DCUN1D2: variants seen among roughly 807,000 people sequenced by gnomAD.
DCUN1D2 encodes the protein DCN1-like protein 2.
DCUN1D2 carries 29 observed loss-of-function variants against 30.9 expected under a neutral mutation model. The observed-to-expected ratio is 0.94, with a 90% CI of 0.70 to 1.28. The LOEUF (loss-of-function observed/expected upper bound fraction) is 1.28, where lower values mean the gene tolerates loss of function less well. DCUN1D2 is among the 50% of genes most tolerant of loss of function. DCUN1D2 has a pLI of 0.00. For missense variants in DCUN1D2, 325 were observed against 316.9 expected, an observed-to-expected ratio of 1.03 and a Z score of -0.19; for synonymous variants, 121 against 115.3, an observed-to-expected ratio of 1.05 and a Z score of -0.32.
chr13:113,472,575 G>A (rs1006466089), intron 4 of DCUN1D2, among the ~76,000 whole-genome samples: 4 of 152,164 alleles, frequency 2.6e-5, no homozygotes, highest in African/African-American at 4.8e-5. Context: ...AGCAGGGAAC[G>A]CACTCGCCCC....
intron 3 of DCUN1D2, among the ~76,000 whole-genome samples, chr13:113,475,620 C>G (rs935874501): frequency 1.3e-5 from 2 of 152,188 alleles, no homozygotes; most frequent in Non-Finnish European, 2.9e-5. Flanking sequence ...GGTATGGTGG[C>G]TCATTCCTGT....
At chr13:113,484,205 G>T in intron 1 of DCUN1D2, 149 bp from the exon 2 acceptor site, 1 of 1,446,110 alleles carries the variant, frequency 6.9e-7, no homozygotes, top group East Asian at 2.5e-5. Context: ...TTCTGAAAAT[G>T]GAAACAACAG....
At position 113,457,374 on chromosome 13, in the gene DCUN1D2, A is replaced by T. The variant is rs2044242703; in HGVS notation, c.*655T>A. The stretch of plus-strand genomic sequence containing the variant: ...AGATAAACTCTGCTGGAATCGTGCC[A>T]CGTGTGCCGTTGCTATGCAAAGCTA... On this transcript the variant is annotated 3_prime_UTR_variant, in exon 7 of 7. Coordinates refer to ENST00000478244, the MANE Select transcript of DCUN1D2 (RefSeq NM_001014283.2). The T allele has an allele frequency of 6.6e-6, 1 of 152,238 alleles. No individual in the cohort carries two copies. Among genetic ancestry groups the T allele is most frequent in the African/African-American group, 2.4e-5 (1 of 41,464 alleles). The allele number at this position is 152,238 out of a possible 1,614,324, so 9.4% of individuals were successfully genotyped here.
intron 4 of DCUN1D2, among the ~76,000 whole-genome samples, chr13:113,471,990 C>T (rs768755943): frequency 3.9e-5 from 6 of 152,280 alleles, no homozygotes; most frequent in Non-Finnish European, 8.8e-5. Context: ...AAAGGTAAGG[C>T]CCAACTATTG....
chr13:113,489,886 A>G (rs1442043310), intron 1 of DCUN1D2, among the ~76,000 whole-genome samples: 1 of 151,822 alleles, frequency 6.6e-6, no homozygotes, highest in African/African-American at 2.4e-5. Flanking sequence ...CTTTGTCCCA[A>G]CTGTGGTCAA....
At chr13:113,476,182 T>C (rs2044614704) in intron 3 of DCUN1D2, 1 of 152,258 alleles carries the variant, frequency 6.6e-6, no homozygotes, top group Non-Finnish European at 1.5e-5. Flanking sequence ...GTGTCAACAC[T>C]TCTGCACACA....
intron 3 of DCUN1D2, chr13:113,478,959 A>G (rs1198266661): frequency 2.0e-5 from 3 of 152,114 alleles, no homozygotes; most frequent in Non-Finnish European, 4.4e-5. Flanking sequence ...CAAATTATGC[A>G]GTCCAGTTTC....
intron 4 of DCUN1D2, among the ~76,000 whole-genome samples, chr13:113,472,559 G>A (rs993035188): frequency 1.3e-5 from 2 of 152,148 alleles, no homozygotes; most frequent in African/African-American, 2.4e-5. Context: ...ACCCTCGGTC[G>A]AAGGAAGCAG....
rs1231619624 is a variant in DCUN1D2, at chr13:113,480,614, A to C, written c.350T>G (p.Phe117Cys). ...WKFRAATQCE[F>C]SRKEFLDGMT... ...GCCATCTAGAAATTCCTTTCTGCTA[A>C]ATTCACACTGAGTTGCTGCCCTGAA... Residue 117 changes from phenylalanine (F) to cysteine (C), a missense_variant, in exon 3 of 7, where the codon TTT becomes TGT. By Grantham distance (205) the Phe-to-Cys change is radical (BLOSUM62 -2). Coordinates refer to ENST00000478244, the MANE Select transcript of DCUN1D2 (RefSeq NM_001014283.2). The C allele has an allele frequency of 8.7e-6, 14 of 1,614,032 alleles. No homozygotes were observed. The highest frequency in any genetic ancestry group is 1.2e-5 in the Non-Finnish European group (14 of 1,180,026).
chr13:113,478,664 A>G (rs917510070), intron 3 of DCUN1D2, among the ~76,000 whole-genome samples: 3 of 152,122 alleles, frequency 2.0e-5, no homozygotes, highest in African/African-American at 7.2e-5. Flanking sequence ...ATTATTCAAG[A>G]TATTTTCTAA....
intron 4 of DCUN1D2, among the ~76,000 whole-genome samples, chr13:113,473,221 C>T (rs923165100): frequency 6.6e-6 from 1 of 151,856 alleles, no homozygotes; most frequent in Non-Finnish European, 1.5e-5. Flanking sequence ...CATTCCTTGT[C>T]CTTCTGCCCC....
intron 4 of DCUN1D2, among the ~76,000 whole-genome samples, chr13:113,472,963 C>T (rs2044548997): frequency 6.6e-6 from 1 of 151,158 alleles, no homozygotes; most frequent in African/African-American, 2.4e-5. Flanking sequence ...GCCTCTGCTC[C>T]CGTACCTCTG....
chr13:113,474,504 G>A (rs2044579755), intron 3 of DCUN1D2, among the ~76,000 whole-genome samples: 1 of 152,106 alleles, frequency 6.6e-6, no homozygotes, highest in Non-Finnish European at 1.5e-5. Flanking sequence ...CCCAGCTCTG[G>A]GAATATACTA....
intron 4 of DCUN1D2, among the ~76,000 whole-genome samples, chr13:113,468,043 T>TAAAAAAAAA (rs59075073): frequency 2.1e-5 from 2 of 97,202 alleles, no homozygotes; most frequent in Non-Finnish European, 4.1e-5. Context: ...GGATCCATCT[T>TAAAAAAAAA]AAAAAAAAAA....
At chr13:113,481,757 G>A (rs914260782) in intron 2 of DCUN1D2, among the ~76,000 whole-genome samples, 2 of 151,520 alleles carry the variant, frequency 1.3e-5, no homozygotes, top group African/African-American at 4.9e-5. Context: ...GGTGGCTCAC[G>A]CCTATAGTCC....
At chr13:113,467,002 GTTTCACCA>G (rs913676712) in intron 4 of DCUN1D2, among the ~76,000 whole-genome samples, 5 of 151,972 alleles carry the variant, frequency 3.3e-5, no homozygotes, top group Non-Finnish European at 5.9e-5. Flanking sequence ...TAGAGATGGG[GTTTCACCA>G]TGTTGGCCAG....
At chr13:113,464,007 G>A (rs2044361783) in intron 4 of DCUN1D2, among the ~76,000 whole-genome samples, 1 of 152,078 alleles carries the variant, frequency 6.6e-6, no homozygotes, top group Admixed American at 6.6e-5. Flanking sequence ...CTCTACTTCT[G>A]GGCTATAGTC....
rs191602636 is a variant in DCUN1D2 at position 113,489,215 on chromosome 13, T to C, written c.3+1452A>G. 1,278 of 917,728 alleles carry C rather than the reference T, an allele frequency of 1.4e-3. 3 individuals are homozygous for C. Among genetic ancestry groups the C allele is most frequent in the African/African-American group, 9.6e-3 (537 of 55,898 alleles). The allele number at this position is 917,728 out of a possible 1,614,324, so 56.8% of individuals were successfully genotyped here. A position where few individuals can be genotyped will look rare whatever the true frequency, so the allele number is the denominator to read the frequency against. ...TTAAATTCATCCCTGCTCTTGGATC[T>C]CCAACCTCGGCAGCAGTGGAACGCT... On this transcript the variant is annotated intron_variant, in intron 1 of 6. Transcript: ENST00000478244.
intron 4 of DCUN1D2, chr13:113,462,917 T>C: frequency 8.1e-7 from 1 of 1,234,562 alleles, no homozygotes; most frequent in Non-Finnish European, 1.0e-6. Flanking sequence ...AAATAAAGTT[T>C]TATGGCACAC....
Sources: gnomAD v4.1 joint callset for allele counts (sites outside exome capture counted in the v4.1 genomes callset) on GRCh38, gnomAD v4.1.1 for gene constraint, MANE v1.5 for transcripts, NCBI Gene and HGNC (gene_info 2026-07-23, HGNC 2026-07-21) for gene names.